SPHKAP: variants seen among roughly 807,000 people sequenced by gnomAD.
SPHKAP encodes SPHK1 interactor, AKAP domain containing.
A neutral mutation model predicts 137.5 loss-of-function variants in SPHKAP; 67 were observed. The ratio of observed to expected loss-of-function variants is 0.49; its 90% CI spans 0.40 to 0.60. The LOEUF (loss-of-function observed/expected upper bound fraction) is 0.60. Ranked by LOEUF, SPHKAP falls within the 20% of genes least tolerant of loss-of-function variation. SPHKAP has a pLI of 0.00. For missense variants in SPHKAP, 2,097 were observed against 2,069.3 expected (o/e 1.01, Z -0.26); for synonymous variants, 813 against 785.3 (o/e 1.04, Z -0.59).
intron 1 of SPHKAP, among the ~76,000 whole-genome samples, chr2:228,132,744 T>C (rs1188689139): frequency 6.6e-6 from 1 of 151,934 alleles, no homozygotes; most frequent in African/African-American, 2.4e-5. Flanking sequence ...ATGCCTGTAA[T>C]CACAACACTT....
chr2:228,115,520 G>A (rs961954621), intron 2 of SPHKAP, among the ~76,000 whole-genome samples: 1 of 152,014 alleles, frequency 6.6e-6, no homozygotes, highest in African/African-American at 2.4e-5. Context: ...GTTTAATTTG[G>A]AGAGCAAATT....
At chr2:228,150,136 C>G (rs1168226439) in intron 1 of SPHKAP, among the ~76,000 whole-genome samples, 3 of 152,128 alleles carry the variant, frequency 2.0e-5, no homozygotes, top group Non-Finnish European at 4.4e-5. Flanking sequence ...AGTTGATTTT[C>G]TAATGTTAAA....
At position 228,016,536 on chromosome 2, in the gene SPHKAP, C is replaced by A. The variant is rs1487764136; in HGVS notation, c.4318G>T (p.Ala1440Ser). 2 of 1,614,142 alleles carry A rather than the reference C, an allele frequency of 1.2e-6. No homozygotes were observed. Among genetic ancestry groups the A allele is most frequent in the Non-Finnish European group, 1.7e-6 (2 of 1,180,034 alleles). Reference sequence around the variant, plus strand: ...GAAAGGAAGGGTTCAGGTTCCCCAGCACAGGCTTCTCTCTGATCTGTTTCA... The same window carrying A: ...GAAAGGAAGGGTTCAGGTTCCCCAGAACAGGCTTCTCTCTGATCTGTTTCA... ...QIETDQREACAGEPEPFLSKS... is the reference protein window; with the variant it reads ...QIETDQREACSGEPEPFLSKS... Residue 1440 changes from alanine (A) to serine (S), a missense_variant, in exon 7 of 12, where the codon GCT (alanine) becomes TCT (serine). Ala to Ser is a moderately conservative substitution (Grantham distance 99). Transcript: ENST00000392056.
intron 3 of SPHKAP, among the ~76,000 whole-genome samples, chr2:228,097,441 G>A (rs1159683385): frequency 6.6e-6 from 1 of 152,146 alleles, no homozygotes; most frequent in Non-Finnish European, 1.5e-5. Context: ...GGGACCCTGG[G>A]ACATGCAGAT....
intron 5 of SPHKAP, among the ~76,000 whole-genome samples, chr2:228,025,115 A>T (rs1455513135): frequency 6.6e-6 from 1 of 152,214 alleles, no homozygotes; most frequent in Non-Finnish European, 1.5e-5. Context: ...TAGAAAACCA[A>T]GCTAAGTAAC....
intron 3 of SPHKAP, among the ~76,000 whole-genome samples, chr2:228,092,134 T>TATATATACACATATATACATATAC (rs78613525): frequency 0.018 from 1,093 of 61,776 alleles, 20 homozygotes; most frequent in Middle Eastern, 0.093. Context: ...TACGTATATG[T>TATATATACACATATATACATATAC]GTGTACACAT....
At chr2:227,994,151 T>G in intron 8 of SPHKAP, 1 of 870,728 alleles carries the variant, frequency 1.1e-6, no homozygotes, top group Non-Finnish European at 1.4e-6. Context: ...GGCTTGCTAT[T>G]TTCCCATGAG....
At chr2:228,085,969 A>G (rs1179157255) in intron 3 of SPHKAP, among the ~76,000 whole-genome samples, 1 of 152,140 alleles carries the variant, frequency 6.6e-6, no homozygotes, top group Non-Finnish European at 1.5e-5. Flanking sequence ...ATATTACACT[A>G]CCTCTAACAG....
At chr2:228,113,406 G>A (rs373013868) in intron 2 of SPHKAP, among the ~76,000 whole-genome samples, 5 of 152,180 alleles carry the variant, frequency 3.3e-5, no homozygotes, top group South Asian at 2.1e-4. Context: ...CTAAGTGCCC[G>A]ATAGGCATTA....
intron 1 of SPHKAP, among the ~76,000 whole-genome samples, chr2:228,151,899 T>G (rs1382271258): frequency 6.6e-6 from 1 of 152,206 alleles, no homozygotes; most frequent in Admixed American, 6.5e-5. Context: ...TAAAATGGCT[T>G]TATCTTCATT....
chr2:228,023,253 T>C (rs1694907964), intron 5 of SPHKAP, among the ~76,000 whole-genome samples: 1 of 152,202 alleles, frequency 6.6e-6, no homozygotes, highest in Non-Finnish European at 1.5e-5. Context: ...AAAAATAAAA[T>C]TCCCCTAAAT....
At chr2:228,106,585 T>G (rs1465011823) in intron 3 of SPHKAP, among the ~76,000 whole-genome samples, 1 of 152,208 alleles carries the variant, frequency 6.6e-6, no homozygotes, top group Non-Finnish European at 1.5e-5. Flanking sequence ...TACTTTCATT[T>G]GCATGCTGGT....
Position 228,065,051 on chromosome 2 carries a change from C to T in SPHKAP, c.247-37508G>A, listed in dbSNP as rs567498231. Among the ~76,000 whole-genome samples, 45 of 152,334 alleles carry T rather than the reference C, an allele frequency of 3.0e-4. No individual in the cohort carries two copies. The South Asian group carries it at 9.3e-3, about 32-fold the overall frequency. ...GTGATTTCTCCAAGCTCAGGATTTC[C>T]TGGCTGTGGGTTGATTTCTCCAAAC... On this transcript the variant is annotated intron_variant, in intron 3 of 11. Transcript: ENST00000392056.
chr2:228,019,559 C>A lies in SPHKAP; in HGVS notation c.1295G>T (p.Cys432Phe), dbSNP rs2106215740. The A allele has an allele frequency of 6.2e-7, 1 of 1,614,162 alleles. No individual in the cohort carries two copies. Among genetic ancestry groups the A allele is most frequent in the South Asian group, 1.1e-5 (1 of 91,086 alleles). Residue 432 changes from cysteine (C) to phenylalanine (F), a missense_variant, in exon 7 of 12, where the codon TGC becomes TTC. Coordinates refer to ENST00000392056, the MANE Select transcript of SPHKAP (RefSeq NM_001142644.2). ...VSVGSSLLPS[C>F]YSTKDTVVSR... ...AACCACTGTATCTTTTGTGGAATAG[C>A]AACTGGGAAGCAGAGAACTTCCTAC...
At chr2:228,154,506 C>CTATATATATATATATATA (rs1397617929) in intron 1 of SPHKAP, among the ~76,000 whole-genome samples, 10 of 29,902 alleles carry the variant, frequency 3.3e-4, no homozygotes, top group African/African-American at 7.9e-4. Flanking sequence ...CTCTCTCTCT[C>CTATATATATATATATATA]TCTCTCTATA....
At chr2:228,107,649 C>T (rs1406192402) in intron 3 of SPHKAP, among the ~76,000 whole-genome samples, 1 of 151,988 alleles carries the variant, frequency 6.6e-6, no homozygotes, top group African/African-American at 2.4e-5. Flanking sequence ...TTGACCAAAG[C>T]GTGTCTGCTG....
chr2:228,055,515 A>G (rs1038593511), intron 3 of SPHKAP, among the ~76,000 whole-genome samples: 1 of 151,976 alleles, frequency 6.6e-6, no homozygotes, highest in Non-Finnish European at 1.5e-5. Flanking sequence ...GGTGGGGGAG[A>G]CTCCAAAAAC....
At chr2:228,145,340 C>A (rs963333581) in intron 1 of SPHKAP, among the ~76,000 whole-genome samples, 7 of 152,086 alleles carry the variant, frequency 4.6e-5, no homozygotes, top group Non-Finnish European at 1.0e-4. Flanking sequence ...ATTTACTGTC[C>A]TTTCTATATT....
At chr2:228,109,698 G>A (rs952104360) in intron 2 of SPHKAP, among the ~76,000 whole-genome samples, 4 of 152,032 alleles carry the variant, frequency 2.6e-5, no homozygotes, top group African/African-American at 9.7e-5. Flanking sequence ...GGGCGTGGTG[G>A]GTTACACCTG....
Sources: allele counts gnomAD v4.1 joint callset (sites outside exome capture counted in the v4.1 genomes callset), GRCh38; gene constraint gnomAD v4.1.1; transcripts MANE v1.5; gene names NCBI Gene and HGNC (gene_info 2026-07-23, HGNC 2026-07-21).